Variants in TIAM2 observed in about 807,000 individuals in gnomAD.
The protein encoded by TIAM2 is rho guanine nucleotide exchange factor TIAM2.
Under a neutral mutation model 152.9 loss-of-function variants are expected in TIAM2, and 80 were observed. The observed-to-expected ratio is 0.52, with a 90% CI of 0.44 to 0.63. TIAM2 has a LOEUF of 0.63. TIAM2 is among the 30% of genes least tolerant of loss of function. The pLI is 0.00. For synonymous variants in TIAM2, 804 were observed against 838.0 expected, an observed-to-expected ratio of 0.96 and a Z score of 0.70; for missense variants, 1,965 against 2,120.1, an observed-to-expected ratio of 0.93 and a Z score of 1.44.
intron 1 of TIAM2, among the ~76,000 whole-genome samples, chr6:155,071,742 A>G (rs945268686): frequency 2.0e-5 from 3 of 152,070 alleles, no homozygotes; most frequent in Non-Finnish European, 4.4e-5. Context: ...TAAAAACTAC[A>G]AAAATTAGCT....
At chr6:155,044,460 G>A (rs1257565413) in intron 1 of TIAM2, among the ~76,000 whole-genome samples, 3 of 152,166 alleles carry the variant, frequency 2.0e-5, no homozygotes, top group Non-Finnish European at 4.4e-5. Flanking sequence ...GTCAGCTGGG[G>A]AAACTTTCTT....
chr6:155,133,066 C>G (rs117162707), intron 4 of TIAM2, among the ~76,000 whole-genome samples: 1 of 152,142 alleles, frequency 6.6e-6, no homozygotes, highest in Non-Finnish European at 1.5e-5. Flanking sequence ...AAAAACAAAC[C>G]GGTTAGGGCC....
At chr6:155,113,238 C>T (rs995342459) in intron 2 of TIAM2, among the ~76,000 whole-genome samples, 1 of 152,088 alleles carries the variant, frequency 6.6e-6, no homozygotes, top group Admixed American at 6.6e-5. Context: ...TCTGTTGCCC[C>T]TGCCCACGGT....
chr6:155,046,543 C>G (rs914179411), intron 1 of TIAM2, among the ~76,000 whole-genome samples: 2 of 152,100 alleles, frequency 1.3e-5, no homozygotes, highest in African/African-American at 4.8e-5. Flanking sequence ...CCATGTTGGC[C>G]AGGCTGGTCT....
At chr6:155,198,720 T>G (rs1305648349) in intron 14 of TIAM2, among the ~76,000 whole-genome samples, 3 of 149,306 alleles carry the variant, frequency 2.0e-5, no homozygotes, top group Non-Finnish European at 4.4e-5. Context: ...GCAACGTTCT[T>G]AAGAATGAAT....
At chr6:155,063,772 ACT>A (rs1777635089) in intron 1 of TIAM2, among the ~76,000 whole-genome samples, 2 of 106,272 alleles carry the variant, frequency 1.9e-5, no homozygotes, top group South Asian at 6.5e-4. Context: ...ACAGAGTGAG[ACT>A]CTGTCTCAAA....
At chr6:155,229,819 G>A (rs538714191) in intron 15 of TIAM2, among the ~76,000 whole-genome samples, 1 of 152,328 alleles carries the variant, frequency 6.6e-6, no homozygotes, top group African/African-American at 2.4e-5. Context: ...CAATCATGGG[G>A]GAGGGTGAAG....
intron 15 of TIAM2, among the ~76,000 whole-genome samples, chr6:155,219,679 G>A (rs1274534246): frequency 6.6e-6 from 1 of 151,962 alleles, no homozygotes; most frequent in Non-Finnish European, 1.5e-5. Context: ...GCTCTTCTTG[G>A]TCTATCCTTG....
intron 1 of TIAM2, among the ~76,000 whole-genome samples, chr6:155,029,923 G>A (rs532322066): frequency 6.6e-6 from 1 of 151,666 alleles, no homozygotes; most frequent in Non-Finnish European, 1.5e-5. Flanking sequence ...CTCCCAAGTA[G>A]CTGGGACCAC....
intron 2 of TIAM2, among the ~76,000 whole-genome samples, chr6:155,095,081 TG>T (rs1375538011): frequency 6.6e-6 from 1 of 152,054 alleles, no homozygotes; most frequent in African/African-American, 2.4e-5. Context: ...CTTGGTGAAA[TG>T]GGGACAGTGT....
chr6:155,119,433 A>G (rs1490337550), intron 2 of TIAM2, among the ~76,000 whole-genome samples: 1 of 151,220 alleles, frequency 6.6e-6, no homozygotes, highest in Non-Finnish European at 1.5e-5. Flanking sequence ...TCTGCCTCCC[A>G]GGTTCAAGTG....
chr6:155,183,735 A>T (rs146373604), intron 14 of TIAM2, among the ~76,000 whole-genome samples: 1 of 152,206 alleles, frequency 6.6e-6, no homozygotes, highest in East Asian at 1.9e-4. Flanking sequence ...ATAACATTTA[A>T]AAAAAAATCA....
At chr6:155,221,117 T>A (rs1255887853) in intron 15 of TIAM2, among the ~76,000 whole-genome samples, 4 of 54,340 alleles carry the variant, frequency 7.4e-5, no homozygotes, top group African/African-American at 2.1e-4. Flanking sequence ...CTTGTTTTTT[T>A]TTTTTTTTGA....
intron 2 of TIAM2, among the ~76,000 whole-genome samples, chr6:155,116,574 A>G (rs1371789125): frequency 6.6e-6 from 1 of 152,228 alleles, no homozygotes; most frequent in Non-Finnish European, 1.5e-5. Flanking sequence ...TGGTACAATG[A>G]CCGTGGTAGA....
Position 155,254,766 on chromosome 6 carries a change from C to T in TIAM2, c.4468+193C>T, listed in dbSNP as rs914242299. 8.0e-6 allele frequency: 5 copies of T among 626,478 alleles called. No homozygotes were observed. In the Admixed American group the frequency reaches 1.5e-4, roughly 19 times the overall value. 38.8% of individuals were successfully genotyped at this position (626,478 alleles called of 1,614,324 possible). On this transcript the variant is annotated intron_variant, in intron 26 of 26. Transcript: ENST00000682666. ...GTAAAATACAGCCACCCCCAACCCCCAGTCCCTTGTCTTCCTACCCGCTGA... is the reference window on the plus strand; with the variant it reads ...GTAAAATACAGCCACCCCCAACCCCTAGTCCCTTGTCTTCCTACCCGCTGA...
chr6:155,016,717 G>A (rs919230493), intron 1 of TIAM2, among the ~76,000 whole-genome samples: 9 of 152,006 alleles, frequency 5.9e-5, no homozygotes, highest in African/African-American at 1.9e-4. Context: ...TGGCCAACAT[G>A]GTGAAACCTG....
chr6:155,068,610 A>G (rs1487376544), intron 1 of TIAM2, among the ~76,000 whole-genome samples: 1 of 70,440 alleles, frequency 1.4e-5, no homozygotes, highest in Non-Finnish European at 4.3e-5. Context: ...CCGCCCCCCC[A>G]TCACGTCTGG....
In TIAM2 at chr6:155,005,829, TAG is replaced by T. The variant is rs535832504; in HGVS notation, c.-209+10338_-209+10339del. On this transcript the variant is annotated intron_variant, in intron 1 of 26. Coordinates refer to ENST00000682666, the MANE Select transcript of TIAM2 (RefSeq NM_012454.4). ...CACGCCCAGCTAATTTTTCTATTTT[TAG>T]TAGAAATGGGGTTTCACCATGTTGG... 3.5e-4 allele frequency among the ~76,000 whole-genome samples: 53 copies of T among 152,126 alleles called. 1 individual carries two copies. Among genetic ancestry groups the T allele is most frequent in the Non-Finnish European group, 6.5e-4 (44 of 68,000 alleles).
At chr6:155,117,886 C>T (rs1350602451) in intron 2 of TIAM2, among the ~76,000 whole-genome samples, 1 of 152,196 alleles carries the variant, frequency 6.6e-6, no homozygotes, top group Admixed American at 6.5e-5. Context: ...CACAGTGCTC[C>T]GTGTATAGGA....
Sources: allele counts gnomAD v4.1 joint callset (sites outside exome capture counted in the v4.1 genomes callset), GRCh38; gene constraint gnomAD v4.1.1; transcripts MANE v1.5; gene names NCBI Gene and HGNC (gene_info 2026-07-23, HGNC 2026-07-21).